ENTPD5: variants seen among roughly 807,000 people sequenced by gnomAD.
ENTPD5 encodes ectonucleoside triphosphate diphosphohydrolase 5 (inactive), also known as nucleoside diphosphate phosphatase ENTPD5.
In ENTPD5, 49 loss-of-function variants were observed where a neutral mutation model predicts 60.2. That is an observed-to-expected ratio of 0.81 (90% CI 0.65 to 1.03). The LOEUF is 1.03. Ranked by LOEUF, ENTPD5 falls within the 50% of genes least tolerant of loss-of-function variation. The pLI, the probability that ENTPD5 is intolerant of heterozygous loss-of-function variation, is 0.00. For missense variants in ENTPD5, 480 were observed against 507.6 expected, an observed-to-expected ratio of 0.95 and a Z score of 0.52; for synonymous variants, 187 against 185.4, an observed-to-expected ratio of 1.01 and a Z score of -0.07.
chr14:73,976,534 G>T, intron 8 of ENTPD5, 122 bp from the exon 9 acceptor site: 1 of 705,968 alleles, frequency 1.4e-6, no homozygotes, highest in East Asian at 2.7e-5. Context: ...CCAGCCCCAA[G>T]GCTGCAGGTG....
intron 6 of ENTPD5, among the ~76,000 whole-genome samples, chr14:73,979,497 A>G (rs1444455672): frequency 6.8e-6 from 1 of 146,316 alleles, no homozygotes; most frequent in African/African-American, 2.5e-5. Flanking sequence ...TTTGAGACAG[A>G]ATCTTGCTCT....
chr14:73,955,994 A>G (rs777321516), downstream of ENTPD5: 1 of 1,604,508 alleles, frequency 6.2e-7, no homozygotes, highest in Non-Finnish European at 8.5e-7. Flanking sequence ...ACTGGAAGAA[A>G]GGATCTCTTT....
intron 15 of ENTPD5, among the ~76,000 whole-genome samples, chr14:73,967,704 G>A (rs1839147066): frequency 6.6e-6 from 1 of 151,530 alleles, no homozygotes; most frequent in Non-Finnish European, 1.5e-5. Context: ...GAGGGCTGAG[G>A]TGGGAGGGTC....
chr14:73,975,788 G>T (rs1280729749), intron 10 of ENTPD5, 148 bp downstream of exon 10: 7 of 589,926 alleles, frequency 1.2e-5, no homozygotes, highest in African/African-American at 1.9e-5. Flanking sequence ...GGCTTTGTAA[G>T]TGGACCGGGT....
downstream of ENTPD5, chr14:73,955,961 G>A: frequency 6.2e-7 from 1 of 1,613,402 alleles, no homozygotes; most frequent in Non-Finnish European, 8.5e-7. Flanking sequence ...TGCATTCATT[G>A]GGAAGTGAAC....
At chr14:73,984,176 C>CGCCA (rs1246473906) in intron 5 of ENTPD5, among the ~76,000 whole-genome samples, 4 of 152,100 alleles carry the variant, frequency 2.6e-5, no homozygotes, top group African/African-American at 9.7e-5. Context: ...TACAGGCATG[C>CGCCA]GCCACAGCAC....
chr14:73,972,853 C>A, intron 13 of ENTPD5, 31 bp downstream of exon 13: 8 of 1,611,410 alleles, frequency 5.0e-6, no homozygotes, highest in Non-Finnish European at 6.8e-6. Flanking sequence ...ATCCACCTTC[C>A]TCTCTGGACT....
chr14:74,003,832 C>T (rs537054564), intron 3 of ENTPD5, among the ~76,000 whole-genome samples: 3 of 152,310 alleles, frequency 2.0e-5, no homozygotes, highest in African/African-American at 4.8e-5. Context: ...CATGGTGCCT[C>T]ATGCCTGTAA....
chr14:73,973,793 G>T, intron 12 of ENTPD5, 84 bp downstream of exon 12: 2 of 1,164,814 alleles, frequency 1.7e-6, no homozygotes, highest in South Asian at 1.2e-5. Flanking sequence ...AGCTTCTCTT[G>T]AGTTCTGGAA....
chr14:73,981,303 A>C (rs1450215553), intron 6 of ENTPD5, among the ~76,000 whole-genome samples: 1 of 151,932 alleles, frequency 6.6e-6, no homozygotes, highest in South Asian at 2.1e-4. Flanking sequence ...GTTTGAGACC[A>C]GCCTGGCCAA....
At chr14:74,013,832 G>A (rs1017340954) in intron 2 of ENTPD5, among the ~76,000 whole-genome samples, 6 of 152,144 alleles carry the variant, frequency 3.9e-5, no homozygotes, top group African/African-American at 1.4e-4. Context: ...TTCATTAAAT[G>A]TTTCTTAAAT....
intron 10 of ENTPD5, among the ~76,000 whole-genome samples, chr14:73,975,538 A>G (rs1388173578): frequency 6.6e-6 from 1 of 150,912 alleles, no homozygotes; most frequent in Non-Finnish European, 1.5e-5. Context: ...CTGAATAGCT[A>G]GGATTACAGG....
At chr14:73,981,078 G>A (rs973043040) in intron 6 of ENTPD5, among the ~76,000 whole-genome samples, 6 of 151,678 alleles carry the variant, frequency 4.0e-5, no homozygotes, top group African/African-American at 1.2e-4. Flanking sequence ...CAGCCTGGGC[G>A]ACAGAGCAAG....
At chr14:73,989,609 G>T (rs62005065) in intron 3 of ENTPD5, among the ~76,000 whole-genome samples, 2 of 150,056 alleles carry the variant, frequency 1.3e-5, no homozygotes, top group Admixed American at 6.6e-5. Flanking sequence ...CGAGGCAGGC[G>T]GATCACCTGA....
Position 73,977,363 on chromosome 14 carries a change from G to T in ENTPD5, c.453C>A (p.Ile151=). The T allele has an allele frequency of 2.6e-6, 4 of 1,524,414 alleles. No homozygotes were observed. Among genetic ancestry groups the T allele is most frequent in the Non-Finnish European group, 2.7e-6 (3 of 1,113,190 alleles). 94.4% of individuals were successfully genotyped at this position (1,524,414 alleles called of 1,614,324 possible). ...AKALLFEVKE[I]FRKSPFLVPK... is the part of the protein sequence containing the mutation. ...GTACCAGGAAAGGTGACTTCCTGAA[G>T]ATCTCCTTTACCTAGAGAAAAAGGA... Residue 151 remains isoleucine, a synonymous_variant, in exon 7 of 16, where the codon ATC becomes ATA. Transcript: ENST00000334696.
At chr14:73,991,267 G>A (rs1044849671) in intron 3 of ENTPD5, among the ~76,000 whole-genome samples, 4 of 152,046 alleles carry the variant, frequency 2.6e-5, no homozygotes, top group Non-Finnish European at 5.9e-5. Context: ...AGTTCCTCAA[G>A]GTCAGGGTTT....
intron 1 of ENTPD5, 132 bp from the exon 2 acceptor site, chr14:74,016,062 T>A (rs965024603): frequency 6.6e-6 from 1 of 152,194 alleles, no homozygotes; most frequent in Non-Finnish European, 1.5e-5. Flanking sequence ...AACTTCATAG[T>A]AAAGGCACCT....
At chr14:73,979,472 CTTT>C (rs535777164) in intron 6 of ENTPD5, among the ~76,000 whole-genome samples, 3 of 137,662 alleles carry the variant, frequency 2.2e-5, no homozygotes, top group Admixed American at 7.4e-5. Context: ...ATAGTAAGCA[CTTT>C]TTTTTTTTTT....
At chr14:73,958,489 A>G, downstream of ENTPD5, 2 of 1,394,502 alleles carry the variant, frequency 1.4e-6, no homozygotes, top group South Asian at 2.8e-5. Flanking sequence ...TTAGGTTGTG[A>G]AATAACAGAT....
Sources: allele counts gnomAD v4.1 joint callset (sites outside exome capture counted in the v4.1 genomes callset), GRCh38; gene constraint gnomAD v4.1.1; transcripts MANE v1.5; gene names NCBI Gene and HGNC (gene_info 2026-07-23, HGNC 2026-07-21).